The following CATSPERB variants were observed in gnomAD, a reference collection of about 807,000 sequenced individuals.
CATSPERB encodes cation channel sperm-associated auxiliary subunit beta.
Under a neutral mutation model 128.3 loss-of-function variants are expected in CATSPERB, and 93 were observed. That is an observed-to-expected ratio of 0.72 (90% CI 0.61 to 0.86). The LOEUF is 0.86. Ranked by LOEUF, CATSPERB falls within the 40% of genes least tolerant of loss-of-function variation. CATSPERB has a pLI of 0.00. For synonymous variants in CATSPERB, 381 were observed against 448.8 expected, an observed-to-expected ratio of 0.85 and a Z score of 1.91; for missense variants, 1,153 against 1,329.5, an observed-to-expected ratio of 0.87 and a Z score of 2.06.
At position 91,625,155 on chromosome 14, in the gene CATSPERB, G is replaced by A. The variant is rs571292007; in HGVS notation, c.1743-148C>T. Reference sequence around the variant, plus strand: ...TTGTTCAACCCCATTAGTAATCAATGAAATGGCAATTATAACAATGGGATA... The same window carrying A: ...TTGTTCAACCCCATTAGTAATCAATAAAATGGCAATTATAACAATGGGATA... On this transcript the variant is annotated intron_variant, in intron 17 of 26. Transcript: ENST00000256343. The A allele has an allele frequency of 7.2e-5, 40 of 551,964 alleles. 3 individuals carry two copies. In the South Asian group the frequency reaches 1.1e-3, roughly 16 times the overall value. 34.2% of individuals were successfully genotyped at this position (551,964 alleles called of 1,614,324 possible).
intron 1 of CATSPERB, among the ~76,000 whole-genome samples, chr14:91,731,390 ATAGT>A (rs775645220): frequency 3.0e-4 from 45 of 152,296 alleles, no homozygotes; most frequent in Non-Finnish European, 4.1e-4. Flanking sequence ...CTTTCAGCTC[ATAGT>A]TAGAGTAAAA....
Position 91,729,471 on chromosome 14 carries a change from C to T in CATSPERB, c.9G>A (p.Ser3=), listed in dbSNP as rs202153199. 1.3e-5 allele frequency: 20 copies of T among 1,513,732 alleles called. No homozygotes were observed. The highest frequency in any genetic ancestry group is 1.7e-4 in the Middle Eastern group (1 of 5,812). The allele number at this position is 1,513,732 out of a possible 1,614,324, so 93.8% of individuals were successfully genotyped here. Residue 3 remains serine (S), a synonymous_variant, in exon 2 of 27, where the codon TCG becomes TCA. Transcript: ENST00000256343. ME[S]PLIYVSVLLL... is the part of the protein sequence containing the mutation. ...GCAAAACTGAAACATATATAAGTGG[C>T]GATTCCATCTGTTGGAATAAATAAG...
At chr14:91,719,583 G>C (rs1426588445) in intron 4 of CATSPERB, 105 bp from the exon 5 acceptor site, 1 of 737,978 alleles carries the variant, frequency 1.4e-6, no homozygotes, top group African/African-American at 1.8e-5. Context: ...AACATCCAAT[G>C]CATATACCTT....
intron 24 of CATSPERB, 59 bp downstream of exon 24, chr14:91,589,475 T>C: frequency 8.5e-6 from 13 of 1,520,502 alleles, no homozygotes; most frequent in Non-Finnish European, 1.1e-5. Flanking sequence ...TTGATCTTTG[T>C]AAACCAGTAA....
At chr14:91,590,517 C>T (rs1237846356) in intron 23 of CATSPERB, among the ~76,000 whole-genome samples, 4 of 151,796 alleles carry the variant, frequency 2.6e-5, no homozygotes, top group African/African-American at 4.8e-5. Flanking sequence ...GGCGACAGAG[C>T]GAGACTTGGT....
intron 10 of CATSPERB, 145 bp from the exon 11 acceptor site, chr14:91,684,088 CTG>C: frequency 1.8e-6 from 1 of 567,658 alleles, no homozygotes; most frequent in Non-Finnish European, 3.1e-6. Flanking sequence ...AAATAAAAGA[CTG>C]TAGAATGAGG....
At chr14:91,623,084 G>A (rs1458674309) in intron 18 of CATSPERB, among the ~76,000 whole-genome samples, 5 of 151,806 alleles carry the variant, frequency 3.3e-5, no homozygotes, top group Non-Finnish European at 7.4e-5. Flanking sequence ...TAGTAGAGAC[G>A]GGGTTTCACC....
chr14:91,588,674 A>G (rs1186753811), intron 24 of CATSPERB, among the ~76,000 whole-genome samples: 1 of 152,190 alleles, frequency 6.6e-6, no homozygotes, highest in Non-Finnish European at 1.5e-5. Flanking sequence ...TCCAATTTCC[A>G]TAGTGTAAAT....
intron 7 of CATSPERB, among the ~76,000 whole-genome samples, chr14:91,703,695 A>G (rs958580589): frequency 6.6e-6 from 1 of 152,208 alleles, no homozygotes; most frequent in African/African-American, 2.4e-5. Flanking sequence ...GTGGCGTGTC[A>G]CAACTCCACG....
chr14:91,621,458 C>G, intron 19 of CATSPERB, 150 bp downstream of exon 19: 1 of 596,572 alleles, frequency 1.7e-6, no homozygotes, highest in Non-Finnish European at 2.9e-6. Flanking sequence ...ATAGTAAGTA[C>G]TCAATAATTA....
At chr14:91,610,761 C>A (rs1893810743) in intron 20 of CATSPERB, 84 bp from the exon 21 acceptor site, 1 of 1,237,182 alleles carries the variant, frequency 8.1e-7, no homozygotes, top group South Asian at 1.4e-5. Flanking sequence ...CATGTTGAAA[C>A]CCCAACCTCC....
At chr14:91,630,331 C>T (rs1894252331) in intron 17 of CATSPERB, among the ~76,000 whole-genome samples, 1 of 152,172 alleles carries the variant, frequency 6.6e-6, no homozygotes, top group Non-Finnish European at 1.5e-5. Flanking sequence ...ATACACCCTC[C>T]TCTGCAGGTA....
chr14:91,609,845 C>T (rs987691460), intron 21 of CATSPERB, among the ~76,000 whole-genome samples: 7 of 152,264 alleles, frequency 4.6e-5, no homozygotes, highest in East Asian at 3.9e-4. Flanking sequence ...CTCAGCCTCC[C>T]GAGTAGCTGG....
chr14:91,587,619 T>C (rs1433611354), intron 25 of CATSPERB, among the ~76,000 whole-genome samples: 5 of 151,928 alleles, frequency 3.3e-5, no homozygotes. Flanking sequence ...TTCACAATTA[T>C]CTGTATTATA....
At chr14:91,713,709 C>T (rs1053345565) in intron 5 of CATSPERB, among the ~76,000 whole-genome samples, 1 of 152,066 alleles carries the variant, frequency 6.6e-6, no homozygotes, top group African/African-American at 2.4e-5. Flanking sequence ...AACTCCAAGC[C>T]CAGATACCTT....
At chr14:91,673,078 G>T in intron 12 of CATSPERB, 62 bp from the exon 13 acceptor site, 1 of 1,373,166 alleles carries the variant, frequency 7.3e-7, no homozygotes, top group Non-Finnish European at 9.9e-7. Context: ...AATTCTCTTA[G>T]TGAAACTAGC....
intron 5 of CATSPERB, among the ~76,000 whole-genome samples, chr14:91,708,511 A>G (rs1566737264): frequency 6.6e-6 from 1 of 152,208 alleles, no homozygotes; most frequent in South Asian, 2.1e-4. Context: ...GGGGCTTGAT[A>G]AAAAGCAAAT....
chr14:91,647,941 A>C (rs1894634071), intron 15 of CATSPERB, among the ~76,000 whole-genome samples: 1 of 152,236 alleles, frequency 6.6e-6, no homozygotes. Flanking sequence ...TCTCAGCAGC[A>C]AACTGAAGCC....
Position 91,580,812 on chromosome 14 carries a change from T to C in CATSPERB, c.*77A>G, listed in dbSNP as rs1566690849. ...TTTAGGATTTTATGTAGCTTGCATATTTAACATTTAAATATATTGTTCTAG... is the reference window on the plus strand; with the variant it reads ...TTTAGGATTTTATGTAGCTTGCATACTTAACATTTAAATATATTGTTCTAG... On this transcript the variant is annotated 3_prime_UTR_variant, in exon 27 of 27. Coordinates refer to ENST00000256343, the MANE Select transcript of CATSPERB (RefSeq NM_024764.4). The C allele has an allele frequency of 9.0e-7, 1 of 1,116,978 alleles. No individual in the cohort carries two copies. The highest frequency in any genetic ancestry group is 1.6e-5 in the African/African-American group (1 of 63,834). 69.2% of individuals were successfully genotyped at this position (1,116,978 alleles called of 1,614,324 possible).
Sources: gnomAD v4.1 joint callset for allele counts (sites outside exome capture counted in the v4.1 genomes callset) on GRCh38, gnomAD v4.1.1 for gene constraint, MANE v1.5 for transcripts, NCBI Gene and HGNC (gene_info 2026-07-23, HGNC 2026-07-21) for gene names.